PDE7B: variants seen among roughly 807,000 people sequenced by gnomAD.
PDE7B encodes the protein 3',5'-cyclic-AMP phosphodiesterase 7B.
In PDE7B, 29 loss-of-function variants were observed where a neutral mutation model predicts 56.2. That is an observed-to-expected ratio of 0.52 (90% CI 0.38 to 0.70). The LOEUF (loss-of-function observed/expected upper bound fraction) is 0.70. Among genes scored for constraint, PDE7B ranks in the 30% least tolerant of loss-of-function variants. The pLI is 0.00. For missense variants in PDE7B, 490 were observed against 565.0 expected (o/e 0.87, Z 1.35); for synonymous variants, 197 against 196.9 (o/e 1.00, Z 0.00).
chr6:136,066,044 T>C (rs965649548), intron 2 of PDE7B, among the ~76,000 whole-genome samples: 1 of 127,238 alleles, frequency 7.9e-6, no homozygotes, highest in Non-Finnish European at 1.7e-5. Flanking sequence ...CTTTTTTTGT[T>C]TGTTTGTTTT....
intron 3 of PDE7B, among the ~76,000 whole-genome samples, chr6:136,124,268 T>G (rs546569445): frequency 6.6e-6 from 1 of 152,220 alleles, no homozygotes; most frequent in Non-Finnish European, 1.5e-5. Context: ...ATTTAAAAAT[T>G]TTAAAATTCT....
In PDE7B at chr6:136,003,881, A is replaced by C. The variant is rs946637431; in HGVS notation, c.82+56357A>C. On this transcript the variant is annotated intron_variant, in intron 2 of 12. Coordinates refer to ENST00000308191, the MANE Select transcript of PDE7B (RefSeq NM_018945.4). ...GCCAGCATCATCCTGATACCAAAGCAGGGCAGAGACACAACCAAAAAAGAG... is the reference window on the plus strand; with the variant it reads ...GCCAGCATCATCCTGATACCAAAGCCGGGCAGAGACACAACCAAAAAAGAG... Among the ~76,000 whole-genome samples, 453 of 151,934 alleles carry C rather than the reference A, an allele frequency of 3.0e-3. 2 individuals carry two copies. The highest frequency in any genetic ancestry group is 0.01 in the African/African-American group (418 of 41,396).
chr6:136,179,013 C>CA lies in PDE7B; in HGVS notation c.821dup (p.Leu275AlafsTer15), dbSNP rs1435227803. On this transcript the variant is annotated frameshift_variant, in exon 10 of 13. Transcript: ENST00000308191. LOFTEE classifies it high-confidence loss of function. ...TGGATGCAGACAGGATATTGAACAG[C>CA]AGCTGGGCTCCTTGATCTTGGCAAC... 1 of 1,614,158 alleles carries CA rather than the reference C, an allele frequency of 6.2e-7. No individual in the cohort carries two copies. Among genetic ancestry groups the CA allele is most frequent in the South Asian group, 1.1e-5 (1 of 91,076 alleles).
intron 2 of PDE7B, among the ~76,000 whole-genome samples, chr6:136,019,029 A>G (rs1274310758): frequency 6.6e-6 from 1 of 152,018 alleles, no homozygotes. Context: ...TATTTTATTA[A>G]AAGGCAGTCT....
intron 2 of PDE7B, among the ~76,000 whole-genome samples, chr6:135,964,985 T>C (rs1774969413): frequency 6.6e-6 from 1 of 152,110 alleles, no homozygotes. Context: ...CTACTAAAAA[T>C]GCAAAATTAG....
Position 136,022,677 on chromosome 6 carries a change from G to A in PDE7B, c.82+75153G>A, listed in dbSNP as rs545416843. Among the ~76,000 whole-genome samples, 34 of 152,304 alleles carry A rather than the reference G, an allele frequency of 2.2e-4. No individual in the cohort carries two copies. In the East Asian group the frequency reaches 6.2e-3, roughly 28 times the overall value. Reference sequence around the variant, plus strand: ...TTTCCCACTGTCCTGACAGTTTGCAGTGATACTCACTGTGCAAGTGGGAGC... The same window carrying A: ...TTTCCCACTGTCCTGACAGTTTGCAATGATACTCACTGTGCAAGTGGGAGC... On this transcript the variant is annotated intron_variant, in intron 2 of 12. Transcript: ENST00000308191.
chr6:135,910,006 C>G (rs1776185352), intron 1 of PDE7B, among the ~76,000 whole-genome samples: 1 of 152,168 alleles, frequency 6.6e-6, no homozygotes, highest in Non-Finnish European at 1.5e-5. Flanking sequence ...GTTCCTGTTG[C>G]TTGCTACCTA....
At chr6:136,085,977 C>T (rs1777285331) in intron 2 of PDE7B, among the ~76,000 whole-genome samples, 1 of 152,156 alleles carries the variant, frequency 6.6e-6, no homozygotes, top group Non-Finnish European at 1.5e-5. Flanking sequence ...AGAATGTTTG[C>T]CCATCATACT....
intron 2 of PDE7B, among the ~76,000 whole-genome samples, chr6:136,097,416 A>G (rs1414000602): frequency 6.6e-6 from 1 of 152,090 alleles, no homozygotes; most frequent in African/African-American, 2.4e-5. Context: ...CCCTCATATG[A>G]AATTTCTTAC....
chr6:136,184,817 C>T (rs1779119269), intron 11 of PDE7B, among the ~76,000 whole-genome samples: 1 of 152,170 alleles, frequency 6.6e-6, no homozygotes, highest in Admixed American at 6.5e-5. Flanking sequence ...ATTATCAACA[C>T]ACCAGACCAG....
intron 1 of PDE7B, among the ~76,000 whole-genome samples, chr6:135,936,860 T>C (rs1384074309): frequency 6.6e-6 from 1 of 152,204 alleles, no homozygotes; most frequent in African/African-American, 2.4e-5. Context: ...AATACAGTCA[T>C]GCTAGACTTG....
At chr6:136,014,478 T>A (rs1282771279) in intron 2 of PDE7B, among the ~76,000 whole-genome samples, 1 of 152,256 alleles carries the variant, frequency 6.6e-6, no homozygotes, top group East Asian at 1.9e-4. Context: ...TTTGTAGAAC[T>A]ATTAACATAT....
intron 2 of PDE7B, among the ~76,000 whole-genome samples, chr6:135,976,403 G>A (rs75242171): frequency 0.013 from 2,040 of 152,226 alleles, 67 homozygotes; most frequent in African/African-American, 0.046. Flanking sequence ...CCCCAATGGC[G>A]CTGCTGGGAG....
intron 1 of PDE7B, among the ~76,000 whole-genome samples, chr6:135,932,114 A>C (rs1774304985): frequency 6.6e-6 from 1 of 152,170 alleles, no homozygotes; most frequent in South Asian, 2.1e-4. Flanking sequence ...GTGGCTTAAA[A>C]AATTTATAGG....
At chr6:136,047,220 T>C (rs1776526519) in intron 2 of PDE7B, 1 of 152,166 alleles carries the variant, frequency 6.6e-6, no homozygotes, top group African/African-American at 2.4e-5. Flanking sequence ...CTTAAACACA[T>C]ACATTTCCAC....
Position 136,140,977 on chromosome 6 carries a change from TC to T in PDE7B, c.167-6372del, listed in dbSNP as rs572598447. ...TTTATTTCCTTCTCCTGCCTGATTG[TC>T]CTGGCCAGAACTTCCAACACTATGT... On this transcript the variant is annotated intron_variant, in intron 3 of 12. Coordinates refer to ENST00000308191, the MANE Select transcript of PDE7B (RefSeq NM_018945.4). Among the ~76,000 whole-genome samples, 54 of 152,148 alleles carry T rather than the reference TC, an allele frequency of 3.5e-4. 1 individual carries two copies. In the South Asian group the frequency reaches 0.011, roughly 30 times the overall value.
intron 2 of PDE7B, among the ~76,000 whole-genome samples, chr6:135,986,950 AT>A (rs1194120740): frequency 6.6e-6 from 1 of 152,110 alleles, no homozygotes; most frequent in Non-Finnish European, 1.5e-5. Flanking sequence ...TTGTTTGTAC[AT>A]TTTTCACCTG....
chr6:136,030,011 A>G (rs1387547108), intron 2 of PDE7B, among the ~76,000 whole-genome samples: 1 of 152,224 alleles, frequency 6.6e-6, no homozygotes, highest in Non-Finnish European at 1.5e-5. Flanking sequence ...ATTACCAGAA[A>G]TAATAAAACA....
intron 3 of PDE7B, among the ~76,000 whole-genome samples, chr6:136,116,304 G>T (rs1225625057): frequency 1.3e-5 from 2 of 152,246 alleles, no homozygotes; most frequent in Non-Finnish European, 2.9e-5. Flanking sequence ...TCATTAACTA[G>T]AGAGAAAGGC....
Sources: gnomAD v4.1 joint callset for allele counts (sites outside exome capture counted in the v4.1 genomes callset) on GRCh38, gnomAD v4.1.1 for gene constraint, MANE v1.5 for transcripts, NCBI Gene and HGNC (gene_info 2026-07-23, HGNC 2026-07-21) for gene names.